PATJ: variants seen among roughly 807,000 people sequenced by gnomAD.
PATJ encodes PATJ crumbs cell polarity complex component.
PATJ carries 190 observed loss-of-function variants against 224.9 expected under a neutral mutation model. That is an observed-to-expected ratio of 0.84 (90% CI 0.75 to 0.95). PATJ has a LOEUF of 0.95. PATJ is among the 40% of genes least tolerant of loss of function. The pLI is 0.00. For missense variants in PATJ, 2,121 were observed against 2,270.3 expected (o/e 0.93, Z 1.34); for synonymous variants, 769 against 820.3 (o/e 0.94, Z 1.07).
At chr1:62,114,383 A>G (rs1398526251) in intron 35 of PATJ, 137 bp downstream of exon 35, 2 of 799,796 alleles carry the variant, frequency 2.5e-6, no homozygotes, top group Non-Finnish European at 3.9e-6. Context: ...ATTTGACAAC[A>G]TGGGTCATAT....
At chr1:61,930,106 G>A (rs1204320313) in intron 27 of PATJ, among the ~76,000 whole-genome samples, 1 of 152,154 alleles carries the variant, frequency 6.6e-6, no homozygotes, top group African/African-American at 2.4e-5. Flanking sequence ...GGAGACCTAT[G>A]TTGGCTGTAT....
At chr1:62,039,187 A>G (rs1651004259) in intron 30 of PATJ, 6 of 510,132 alleles carry the variant, frequency 1.2e-5, no homozygotes, top group South Asian at 1.0e-4. Context: ...TAGAACTACT[A>G]AAGTTCCAGT....
chr1:61,996,059 T>G (rs1645335229), intron 28 of PATJ, among the ~76,000 whole-genome samples: 1 of 152,204 alleles, frequency 6.6e-6, no homozygotes, highest in Non-Finnish European at 1.5e-5. Flanking sequence ...AGAAGAAGTA[T>G]GCAGTACATT....
chr1:62,154,626 A>G (rs1227880808), intron 43 of PATJ, among the ~76,000 whole-genome samples: 1 of 141,104 alleles, frequency 7.1e-6, no homozygotes, highest in Non-Finnish European at 1.5e-5. Flanking sequence ...ATGCCACTAC[A>G]CTCCAGCCTG....
chr1:62,134,759 C>G (rs1055728122), intron 41 of PATJ, among the ~76,000 whole-genome samples: 4 of 152,186 alleles, frequency 2.6e-5, no homozygotes, highest in Non-Finnish European at 5.9e-5. Flanking sequence ...CTGGAGAAAT[C>G]TGTGTCTGTG....
At chr1:61,952,552 A>G in intron 27 of PATJ, 2 of 660,706 alleles carry the variant, frequency 3.0e-6, no homozygotes, top group South Asian at 1.7e-5. Context: ...GAGCGAGGGC[A>G]CATATGCATG....
At chr1:62,153,231 G>C in intron 42 of PATJ, 127 bp from the exon 43 acceptor site, 1 of 624,428 alleles carries the variant, frequency 1.6e-6, no homozygotes. Context: ...CTGAGAGTTT[G>C]ATCTGATAAA....
At chr1:62,000,080 G>C (rs1231079285) in intron 28 of PATJ, among the ~76,000 whole-genome samples, 2 of 151,886 alleles carry the variant, frequency 1.3e-5, no homozygotes, top group Non-Finnish European at 2.9e-5. Flanking sequence ...GTAGAGATGG[G>C]GTTTCACCAT....
chr1:62,001,833 A>G (rs911492167), intron 28 of PATJ, among the ~76,000 whole-genome samples: 1 of 152,034 alleles, frequency 6.6e-6, no homozygotes, highest in Non-Finnish European at 1.5e-5. Flanking sequence ...ATGTTCTTCC[A>G]TTTCTTTGTA....
intron 17 of PATJ, among the ~76,000 whole-genome samples, chr1:61,853,798 G>A (rs1480396001): frequency 2.0e-5 from 3 of 152,024 alleles, no homozygotes; most frequent in South Asian, 2.1e-4. Context: ...TGAAAATACT[G>A]GTGTAATTAT....
chr1:62,042,421 T>C (rs1380872450), intron 30 of PATJ, among the ~76,000 whole-genome samples: 1 of 152,210 alleles, frequency 6.6e-6, no homozygotes. Flanking sequence ...CCTCTTAGTA[T>C]ATCTTTTTCC....
intron 43 of PATJ, among the ~76,000 whole-genome samples, chr1:62,159,773 A>T (rs1191885557): frequency 6.6e-6 from 1 of 151,884 alleles, no homozygotes; most frequent in Non-Finnish European, 1.5e-5. Context: ...CAAACTCCTG[A>T]GCTCAAGCAA....
chr1:62,151,301 G>A (rs950325452), intron 42 of PATJ, among the ~76,000 whole-genome samples: 5 of 150,966 alleles, frequency 3.3e-5, no homozygotes, highest in African/African-American at 1.2e-4. Flanking sequence ...AATAAACCCA[G>A]CAAAATTGGC....
intron 27 of PATJ, among the ~76,000 whole-genome samples, chr1:61,953,490 A>G (rs983699757): frequency 3.3e-5 from 5 of 152,230 alleles, no homozygotes; most frequent in African/African-American, 7.2e-5. Flanking sequence ...GGGGTCCTGA[A>G]CTACCTAGTA....
intron 31 of PATJ, among the ~76,000 whole-genome samples, chr1:62,071,868 C>G (rs540950042): frequency 6.6e-6 from 1 of 152,254 alleles, no homozygotes; most frequent in Non-Finnish European, 1.5e-5. Context: ...TCCCTACCTT[C>G]CAGATCAGCT....
chr1:61,832,565 T>G (rs1248496111), intron 16 of PATJ, among the ~76,000 whole-genome samples: 1 of 152,160 alleles, frequency 6.6e-6, no homozygotes, highest in East Asian at 1.9e-4. Flanking sequence ...AGAAGGAGTT[T>G]CAAGAGAAAC....
chr1:62,111,806 G>A (rs1456850002), intron 34 of PATJ, among the ~76,000 whole-genome samples: 4 of 151,856 alleles, frequency 2.6e-5, no homozygotes, highest in African/African-American at 9.7e-5. Context: ...GATTATGGGC[G>A]CCTGCCACCA....
intron 16 of PATJ, among the ~76,000 whole-genome samples, chr1:61,830,775 T>C (rs72674654): frequency 0.013 from 1,954 of 152,172 alleles, 21 homozygotes; most frequent in Non-Finnish European, 0.018. Flanking sequence ...TAACAAGCAA[T>C]GGGGAATGGA....
intron 33 of PATJ, 128 bp from the exon 34 acceptor site, chr1:62,108,305 ATTGT>A (rs1261905559): frequency 3.8e-6 from 2 of 522,632 alleles, no homozygotes; most frequent in African/African-American, 3.8e-5. Flanking sequence ...AACTGTGTAT[ATTGT>A]TTATCTTTAT....
Sources: gnomAD v4.1 joint callset for allele counts (sites outside exome capture counted in the v4.1 genomes callset) on GRCh38, gnomAD v4.1.1 for gene constraint, MANE v1.5 for transcripts, NCBI Gene and HGNC (gene_info 2026-07-23, HGNC 2026-07-21) for gene names.